Variants in LAMA1 observed in about 807,000 individuals in gnomAD.
LAMA1 encodes the protein laminin subunit alpha 1, also known as laminin subunit alpha-1.
A neutral mutation model predicts 348.7 loss-of-function variants in LAMA1; 219 were observed. The ratio of observed to expected loss-of-function variants is 0.63; its 90% CI spans 0.56 to 0.70. The LOEUF (loss-of-function observed/expected upper bound fraction) is 0.70. LAMA1 is among the 30% of genes least tolerant of loss of function. The pLI, the probability that LAMA1 is intolerant of heterozygous loss-of-function variation, is 0.00. For missense variants in LAMA1, 3,744 were observed against 3,888.0 expected (o/e 0.96, Z 0.99); for synonymous variants, 1,487 against 1,491.0 (o/e 1.00, Z 0.06).
chr18:6,960,525 T>A (rs556120636), intron 53 of LAMA1: 5 of 148,258 alleles, frequency 3.4e-5, no homozygotes, highest in Admixed American at 2.7e-4. Flanking sequence ...GAATGGGGAG[T>A]GACTAATTAA....
intron 3 of LAMA1, 126 bp downstream of exon 3, chr18:7,079,849 C>T (rs1417486999): frequency 1.3e-6 from 1 of 748,282 alleles, no homozygotes; most frequent in South Asian, 1.5e-5. Flanking sequence ...CTTGCCTTCA[C>T]CTGGTGGAAA....
At chr18:6,974,327 G>C (rs890662511) in intron 46 of LAMA1, among the ~76,000 whole-genome samples, 1 of 152,008 alleles carries the variant, frequency 6.6e-6, no homozygotes, top group Non-Finnish European at 1.5e-5. Context: ...ATATGATGTG[G>C]AATGATTAAC....
intron 36 of LAMA1, among the ~76,000 whole-genome samples, chr18:6,988,239 A>G (rs2057743976): frequency 6.6e-6 from 1 of 152,214 alleles, no homozygotes; most frequent in Admixed American, 6.5e-5. Context: ...TAATCAACAA[A>G]AAAACCCCAC....
rs1382024415 is a variant in LAMA1 at position 7,026,051 on chromosome 18, T to G, written c.2330A>C (p.Tyr777Ser). The G allele has an allele frequency of 6.2e-7, 1 of 1,610,440 alleles. No homozygotes were observed. Among genetic ancestry groups the G allele is most frequent in the Non-Finnish European group, 8.5e-7 (1 of 1,178,188 alleles). ...AGGTGTCCCTCGGGAAGGCTCCCCGTAGAAGCCGGGCAAGCACTGCTCACA... is the reference window on the plus strand; with the variant it reads ...AGGTGTCCCTCGGGAAGGCTCCCCGGAGAAGCCGGGCAAGCACTGCTCACA... ...VHCEQCLPGF[Y>S]GEPSRGTPGD... Residue 777 changes from tyrosine (Y) to serine (S), a missense_variant, in exon 17 of 63, where the codon TAC becomes TCC. By Grantham distance (144) the Tyr-to-Ser change is moderately radical. Coordinates refer to ENST00000389658, the MANE Select transcript of LAMA1 (RefSeq NM_005559.4).
At chr18:6,963,602 GA>G (rs751857599) in intron 51 of LAMA1, among the ~76,000 whole-genome samples, 37 of 152,306 alleles carry the variant, frequency 2.4e-4, no homozygotes, top group Non-Finnish European at 4.7e-4. Flanking sequence ...TGCCACATAA[GA>G]GGAGTCTATG....
At chr18:7,038,017 G>A (rs943988047) in intron 11 of LAMA1, among the ~76,000 whole-genome samples, 2 of 152,120 alleles carry the variant, frequency 1.3e-5, no homozygotes, top group Admixed American at 6.5e-5. Flanking sequence ...AAGGCCATGG[G>A]TATAGATTTT....
rs189316299 is a variant in LAMA1, at chr18:6,998,162, T to C, written c.4664-278A>G. Among the ~76,000 whole-genome samples, 24 of 151,986 alleles carry C rather than the reference T, an allele frequency of 1.6e-4. No individual in the cohort carries two copies. The East Asian group carries it at 4.5e-3, about 28-fold the overall frequency. The stretch of plus-strand genomic sequence containing the variant: ...AGAAAGAAACAGCTGAGGCCAAGAG[T>C]GGCGCCCAGTAAGCAAAAGGGTCTT... On this transcript the variant is annotated intron_variant, in intron 32 of 62. Transcript: ENST00000389658.
chr18:7,006,343 G>C (rs1446967903), intron 29 of LAMA1, among the ~76,000 whole-genome samples: 1 of 152,030 alleles, frequency 6.6e-6, no homozygotes, highest in East Asian at 1.9e-4. Context: ...TGTGAATAAT[G>C]TGCTGTTATC....
intron 28 of LAMA1, among the ~76,000 whole-genome samples, 165 bp from the exon 29 acceptor site, chr18:7,007,441 C>T (rs1190532796): frequency 6.7e-6 from 1 of 149,884 alleles, no homozygotes; most frequent in African/African-American, 2.5e-5. Context: ...AAGGTGATGC[C>T]ACCGCACACC....
At position 7,026,121 on chromosome 18, in the gene LAMA1, C is replaced by G. The variant is rs1414779920; in HGVS notation, c.2275-15G>C. On this transcript the variant is annotated splice_polypyrimidine_tract_variant and intron_variant, in intron 16 of 62. Coordinates refer to ENST00000389658, the MANE Select transcript of LAMA1 (RefSeq NM_005559.4). ...TGCGCACACGCCTAGGAACATGCACCAGAAGAATCAGCTCAGGTTGTCTTA... is the reference window on the plus strand; with the variant it reads ...TGCGCACACGCCTAGGAACATGCACGAGAAGAATCAGCTCAGGTTGTCTTA... 1 of 1,609,654 alleles carries G rather than the reference C, an allele frequency of 6.2e-7. No individual in the cohort carries two copies. Among genetic ancestry groups the G allele is most frequent in the African/African-American group, 1.3e-5 (1 of 74,736 alleles).
chr18:6,973,036 G>A (rs1208248869), intron 47 of LAMA1, 21 bp downstream of exon 47: 1 of 1,613,772 alleles, frequency 6.2e-7, no homozygotes, highest in Admixed American at 1.7e-5. Flanking sequence ...GTCCTGTTCA[G>A]AAGAACTTTC....
chr18:6,959,296 G>A (rs1429087050), intron 54 of LAMA1, 45 bp downstream of exon 54: 1 of 1,613,618 alleles, frequency 6.2e-7, no homozygotes, highest in East Asian at 2.2e-5. Context: ...TTCCCTCTGA[G>A]CTCACCACAC....
At chr18:6,997,968 T>C (rs1230372055) in intron 32 of LAMA1, 84 bp from the exon 33 acceptor site, 1 of 1,285,022 alleles carries the variant, frequency 7.8e-7, no homozygotes, top group Non-Finnish European at 1.1e-6. Context: ...GCAAGTTGTT[T>C]TGTGAAAATG....
intron 29 of LAMA1, among the ~76,000 whole-genome samples, chr18:7,003,732 C>T (rs963341414): frequency 1.2e-4 from 18 of 152,180 alleles, no homozygotes; most frequent in African/African-American, 4.3e-4. Context: ...TGAGCAAACT[C>T]CCAGGCTGAC....
intron 11 of LAMA1, 101 bp from the exon 12 acceptor site, chr18:7,037,852 A>C: frequency 1.6e-6 from 2 of 1,220,248 alleles, no homozygotes; most frequent in Non-Finnish European, 2.3e-6. Flanking sequence ...ATGGGCCAGA[A>C]AGCTTCTCTA....
chr18:7,053,623 T>C (rs2058070386), intron 3 of LAMA1, among the ~76,000 whole-genome samples: 1 of 152,188 alleles, frequency 6.6e-6, no homozygotes, highest in Admixed American at 6.5e-5. Context: ...ATCCTGGATT[T>C]GGAAGGGACC....
chr18:7,073,567 T>C (rs1219380756), intron 3 of LAMA1, among the ~76,000 whole-genome samples: 1 of 152,202 alleles, frequency 6.6e-6, no homozygotes, highest in Admixed American at 6.5e-5. Context: ...GGTACATACA[T>C]GCTGTGGTAT....
At chr18:6,960,043 T>G (rs1220177160) in intron 53 of LAMA1, 1 of 175,700 alleles carries the variant, frequency 5.7e-6, no homozygotes, top group Non-Finnish European at 1.2e-5. Flanking sequence ...ATCATTCCTT[T>G]TTGCTGACTT....
At chr18:7,069,746 C>A (rs8095328) in intron 3 of LAMA1, among the ~76,000 whole-genome samples, 21,676 of 151,990 alleles carry the variant, frequency 0.14, 5,143 homozygotes, top group African/African-American at 0.49. Flanking sequence ...CCTCCAGCTG[C>A]CCCAGGAACC....
Sources: allele counts gnomAD v4.1 joint callset (sites outside exome capture counted in the v4.1 genomes callset), GRCh38; gene constraint gnomAD v4.1.1; transcripts MANE v1.5; gene names NCBI Gene and HGNC (gene_info 2026-07-23, HGNC 2026-07-21).